GRHL2: variants seen among roughly 807,000 people sequenced by gnomAD.
GRHL2 encodes grainyhead-like protein 2 homolog.
Under a neutral mutation model 83.8 loss-of-function variants are expected in GRHL2, and 21 were observed. The observed-to-expected ratio is 0.25, with a 90% CI of 0.18 to 0.36. GRHL2 has a LOEUF of 0.36. Ranked by LOEUF, GRHL2 falls within the 10% of genes least tolerant of loss-of-function variation. The pLI is 1.00. For missense variants in GRHL2, 623 were observed against 781.8 expected (o/e 0.80, Z 2.42); for synonymous variants, 280 against 278.9 (o/e 1.00, Z -0.04).
At chr8:101,500,538 TG>T (rs1458743166) in intron 1 of GRHL2, among the ~76,000 whole-genome samples, 1 of 152,160 alleles carries the variant, frequency 6.6e-6, no homozygotes, top group Non-Finnish European at 1.5e-5. Context: ...GTTGGAGTTT[TG>T]CTCTTGTTGC....
chr8:101,602,206 A>G (rs7821380), intron 8 of GRHL2, among the ~76,000 whole-genome samples: 77,661 of 152,140 alleles, frequency 0.51, 21,728 homozygotes, highest in African/African-American at 0.74. Context: ...TCTCTAAAAT[A>G]TCATTGATTT....
downstream of GRHL2, among the ~76,000 whole-genome samples, chr8:101,672,079 G>A (rs2129805456): frequency 6.6e-6 from 1 of 151,760 alleles, no homozygotes; most frequent in Middle Eastern, 3.4e-3. Flanking sequence ...AAGACCAAAA[G>A]TAGATAAAGC....
intron 4 of GRHL2, among the ~76,000 whole-genome samples, chr8:101,559,089 A>T (rs781257175): frequency 6.6e-6 from 1 of 152,284 alleles, no homozygotes; most frequent in Middle Eastern, 3.4e-3. Flanking sequence ...CTAAATATTT[A>T]TGAGAAATTA....
At chr8:101,612,256 C>T (rs551060071) in intron 8 of GRHL2, among the ~76,000 whole-genome samples, 1 of 151,222 alleles carries the variant, frequency 6.6e-6, no homozygotes, top group Admixed American at 6.6e-5. Flanking sequence ...TCCCAAAGTG[C>T]TGGGATTATA....
intron 4 of GRHL2, among the ~76,000 whole-genome samples, chr8:101,559,437 G>A (rs977118982): frequency 6.6e-6 from 1 of 151,866 alleles, no homozygotes; most frequent in Non-Finnish European, 1.5e-5. Context: ...GGCTGAGGCG[G>A]GAGAATCGCT....
At chr8:101,579,844 C>T (rs1409713173) in intron 7 of GRHL2, among the ~76,000 whole-genome samples, 1 of 152,198 alleles carries the variant, frequency 6.6e-6, no homozygotes, top group African/African-American at 2.4e-5. Flanking sequence ...CACTCTTTGT[C>T]TCCACTAGGA....
intron 1 of GRHL2, among the ~76,000 whole-genome samples, chr8:101,504,987 AAAAAGAGGAGGCT>A (rs1810307967): frequency 6.6e-6 from 1 of 152,010 alleles, no homozygotes; most frequent in Non-Finnish European, 1.5e-5. Flanking sequence ...AAAAAAAAAA[AAAAAGAGGAGGCT>A]AAAAATACAA....
At chr8:101,550,980 T>C (rs1479149387) in intron 2 of GRHL2, among the ~76,000 whole-genome samples, 1 of 152,232 alleles carries the variant, frequency 6.6e-6, no homozygotes, top group Non-Finnish European at 1.5e-5. Flanking sequence ...TGTATGGCCA[T>C]GTCCCATTTT....
Position 101,667,620 on chromosome 8 carries a change from G to C in GRHL2, c.*917G>C, listed in dbSNP as rs957129799. ...TTCTCCATGGGCATGACTCTCCTTC[G>C]AGGCCACCACGTTTATCTCACAATG... is the stretch of plus-strand genomic sequence containing the variant. On this transcript the variant is annotated 3_prime_UTR_variant, in exon 16 of 16. Coordinates refer to ENST00000646743, the MANE Select transcript of GRHL2 (RefSeq NM_024915.4). 3.3e-5 allele frequency: 5 copies of C among 152,410 alleles called. No homozygotes were observed. Among genetic ancestry groups the C allele is most frequent in the African/African-American group, 1.2e-4 (5 of 41,444 alleles). The allele number at this position is 152,410 out of a possible 1,614,324, so 9.4% of individuals were successfully genotyped here. A position where few individuals can be genotyped will look rare whatever the true frequency, so the allele number is the denominator to read the frequency against.
chr8:101,581,027 A>C (rs1812042427), intron 7 of GRHL2, among the ~76,000 whole-genome samples: 1 of 152,146 alleles, frequency 6.6e-6, no homozygotes, highest in Non-Finnish European at 1.5e-5. Context: ...AATTATTCGA[A>C]GCCCTCTCTC....
intron 1 of GRHL2, among the ~76,000 whole-genome samples, chr8:101,516,146 T>C (rs1365694243): frequency 1.3e-5 from 2 of 152,156 alleles, no homozygotes; most frequent in Non-Finnish European, 2.9e-5. Flanking sequence ...CCGGTGCCCA[T>C]TTGCCTACTG....
rs4002326 is a variant in GRHL2 at position 101,509,107 on chromosome 8, CTCCTTCCTTCCTTCCTTCCTTCCT to C, written c.20+16348_20+16371del. 6.0e-4 allele frequency among the ~76,000 whole-genome samples: 57 copies of C among 94,852 alleles called. 1 individual carries two copies. The highest frequency in any genetic ancestry group is 2.1e-3 in the African/African-American group (49 of 22,942). The allele number at this position is 94,852 out of a possible 152,430, so 62.2% of individuals were successfully genotyped here. ...TGTTTTCCTTTCTTTCTTTCTTTCT[CTCCTTCCTTCCTTCCTTCCTTCCT>C]TCCTTCCTTCCTTCCTTCCTTCCTT... On this transcript the variant is annotated intron_variant, in intron 1 of 15. Transcript: ENST00000646743.
intron 4 of GRHL2, among the ~76,000 whole-genome samples, chr8:101,567,637 A>G (rs140063198): frequency 3.9e-4 from 60 of 152,372 alleles, no homozygotes; most frequent in African/African-American, 1.3e-3. Context: ...CACCACTACT[A>G]TAACATGGAA....
At chr8:101,647,481 C>T (rs1813535322) in intron 13 of GRHL2, among the ~76,000 whole-genome samples, 1 of 151,982 alleles carries the variant, frequency 6.6e-6, no homozygotes, top group Non-Finnish European at 1.5e-5. Context: ...GGCTTTTTTC[C>T]TTGACTTTAA....
chr8:101,661,852 A>T (rs1452079773), intron 14 of GRHL2, among the ~76,000 whole-genome samples: 1 of 152,178 alleles, frequency 6.6e-6, no homozygotes, highest in Non-Finnish European at 1.5e-5. Flanking sequence ...TAGTGTTGAG[A>T]TGAGAAGACT....
intron 5 of GRHL2, 72 bp from the exon 6 acceptor site, chr8:101,573,596 G>A (rs1205275443): frequency 1.3e-6 from 2 of 1,552,016 alleles, no homozygotes; most frequent in Non-Finnish European, 1.8e-6. Flanking sequence ...GAAATGCTAT[G>A]ATGTGAAATT....
Position 101,619,790 on chromosome 8 carries a change from T to G in GRHL2, c.1257+93T>G. 1.3e-5 allele frequency: 13 copies of G among 966,046 alleles called. No homozygotes were observed. The South Asian group carries it at 1.8e-4, about 13-fold the overall frequency. The allele number at this position is 966,046 out of a possible 1,614,324, so 59.8% of individuals were successfully genotyped here. On this transcript the variant is annotated intron_variant, in intron 9 of 15. Transcript: ENST00000646743. ...TTCCTTGTCACCTTTGCTTGTCTAG[T>G]GGTGTCAAAATATTCACTTTACTCA...
At chr8:101,619,814 C>A in intron 9 of GRHL2, 117 bp downstream of exon 9, 1 of 752,250 alleles carries the variant, frequency 1.3e-6, no homozygotes, top group African/African-American at 1.7e-5. Context: ...TCACTTTACT[C>A]ATCACAGTGG....
chr8:101,506,471 C>T (rs1269631020), intron 1 of GRHL2, among the ~76,000 whole-genome samples: 4 of 151,980 alleles, frequency 2.6e-5, no homozygotes, highest in Non-Finnish European at 5.9e-5. Context: ...ATCATTCATG[C>T]CATTCTGCAT....
Sources: allele counts gnomAD v4.1 joint callset (sites outside exome capture counted in the v4.1 genomes callset), GRCh38; gene constraint gnomAD v4.1.1; transcripts MANE v1.5; gene names NCBI Gene and HGNC (gene_info 2026-07-23, HGNC 2026-07-21).